The following ATP6V1H variants were observed in gnomAD, a reference collection of about 807,000 sequenced individuals.
ATP6V1H encodes V-type proton ATPase subunit H.
Under a neutral mutation model 71.7 loss-of-function variants are expected in ATP6V1H, and 39 were observed. The ratio of observed to expected loss-of-function variants is 0.54; its 90% CI spans 0.42 to 0.71. The LOEUF is 0.71. ATP6V1H is among the 30% of genes least tolerant of loss of function. The pLI, the probability that ATP6V1H is intolerant of heterozygous loss-of-function variation, is 0.00. For synonymous variants in ATP6V1H, 192 were observed against 199.3 expected, an observed-to-expected ratio of 0.96 and a Z score of 0.31; for missense variants, 509 against 594.9, an observed-to-expected ratio of 0.86 and a Z score of 1.50.
chr8:53,748,772 C>A lies in ATP6V1H; in HGVS notation c.1278-5082G>T, dbSNP rs200439763. Among the ~76,000 whole-genome samples the A allele has an allele frequency of 2.6e-5, 4 of 152,134 alleles. No individual in the cohort carries two copies. In the East Asian group the frequency reaches 7.7e-4, roughly 29 times the overall value. On this transcript the variant is annotated intron_variant, in intron 12 of 13. Transcript: ENST00000359530. Reference sequence around the variant, plus strand: ...AGGGTGTTGCTTTTTCCTCTTTATTCTTTTCTGTATTTTTCAAGTTTTCTA... The same window carrying A: ...AGGGTGTTGCTTTTTCCTCTTTATTATTTTCTGTATTTTTCAAGTTTTCTA...
At position 53,772,365 on chromosome 8, in the gene ATP6V1H, T is replaced by G. The variant is rs112431553; in HGVS notation, c.871-198A>C. On this transcript the variant is annotated intron_variant, in intron 9 of 13. Transcript: ENST00000359530. ...CATATCAGAAGCCTACTTCTGATCA[T>G]TTTTGTATTTCCTGGATTACTAAAC... 2.3e-4 allele frequency among the ~76,000 whole-genome samples: 35 copies of G among 152,304 alleles called. 1 individual carries two copies. The highest frequency in any genetic ancestry group is 8.2e-4 in the African/African-American group (34 of 41,556).
At position 53,769,662 on chromosome 8, in the gene ATP6V1H, T is replaced by C. The variant is rs1369917001; in HGVS notation, c.1131A>G (p.Arg377=). 1.9e-6 allele frequency: 3 copies of C among 1,613,304 alleles called. No individual in the cohort carries two copies. In the Admixed American group the frequency reaches 5.0e-5, roughly 27 times the overall value. ...SPVHKSEKFW[R]ENAVRLNEKN... Reference sequence around the variant, plus strand: ...TCTCATTTAACCTCACAGCATTCTCTCTCCAAAATTTCTCAGATTTGTGCA... The same window carrying C: ...TCTCATTTAACCTCACAGCATTCTCCCTCCAAAATTTCTCAGATTTGTGCA... Residue 377 remains arginine, a synonymous_variant, in exon 11 of 14, where the codon AGA becomes AGG. Coordinates refer to ENST00000359530, the MANE Select transcript of ATP6V1H (RefSeq NM_015941.4).
At chr8:53,814,805 T>C (rs1387430601) in intron 5 of ATP6V1H, 39 bp from the exon 6 acceptor site, 1 of 1,434,540 alleles carries the variant, frequency 7.0e-7, no homozygotes, top group African/African-American at 1.4e-5. Context: ...GCAACATTAA[T>C]TCTAAAAATC....
intron 7 of ATP6V1H, among the ~76,000 whole-genome samples, chr8:53,803,275 T>C (rs1809975065): frequency 6.6e-6 from 1 of 151,908 alleles, no homozygotes; most frequent in Non-Finnish European, 1.5e-5. Context: ...AGGCAGAGGT[T>C]GCAGTGAGCC....
At chr8:53,752,186 A>T (rs1356612047) in intron 12 of ATP6V1H, among the ~76,000 whole-genome samples, 2 of 152,228 alleles carry the variant, frequency 1.3e-5, no homozygotes, top group Admixed American at 1.3e-4. Context: ...TTTATTCATA[A>T]GGAAAAAAAA....
intron 3 of ATP6V1H, chr8:53,832,116 G>A (rs1441384902): frequency 6.6e-6 from 1 of 152,114 alleles, no homozygotes; most frequent in Non-Finnish European, 1.5e-5. Flanking sequence ...TACAGGCATA[G>A]TAGGGAAGGG....
At chr8:53,774,164 C>T (rs141612830) in intron 9 of ATP6V1H, among the ~76,000 whole-genome samples, 474 of 152,314 alleles carry the variant, frequency 3.1e-3, no homozygotes, top group African/African-American at 0.01. Context: ...AATTTTCAGA[C>T]ACAAGATGTC....
chr8:53,742,461 T>C (rs1585735909), intron 13 of ATP6V1H, among the ~76,000 whole-genome samples: 1 of 152,214 alleles, frequency 6.6e-6, no homozygotes, highest in African/African-American at 2.4e-5. Context: ...TGGTTACTTA[T>C]CATTATTGTC....
chr8:53,757,451 G>C (rs1416615329), intron 11 of ATP6V1H, among the ~76,000 whole-genome samples: 1 of 152,204 alleles, frequency 6.6e-6, no homozygotes, highest in South Asian at 2.1e-4. Context: ...ATGTGTGCAA[G>C]CAGAGATCAT....
chr8:53,743,438 TA>T, intron 13 of ATP6V1H, 138 bp downstream of exon 13: 2 of 622,654 alleles, frequency 3.2e-6, no homozygotes. Flanking sequence ...TCTGAATTAC[TA>T]AAATATATTT....
chr8:53,834,664 T>G (rs962482296), intron 2 of ATP6V1H, among the ~76,000 whole-genome samples: 1 of 152,110 alleles, frequency 6.6e-6, no homozygotes, highest in Non-Finnish European at 1.5e-5. Context: ...GATCTCGTGA[T>G]CCACCTGCCT....
intron 11 of ATP6V1H, among the ~76,000 whole-genome samples, chr8:53,763,257 A>G (rs988393462): frequency 2.0e-5 from 3 of 152,242 alleles, no homozygotes; most frequent in Non-Finnish European, 1.5e-5. Context: ...CAAAGGTTTC[A>G]TAAGTTCAAT....
rs73680317 is a variant in ATP6V1H at position 53,817,676 on chromosome 8, G to A, written c.307-146C>T. 3.5e-3 allele frequency: 1,887 copies of A among 544,528 alleles called. 20 individuals are homozygous for A. Among genetic ancestry groups the A allele is most frequent in the African/African-American group, 0.033 (1,687 of 51,394 alleles). 33.7% of individuals were successfully genotyped at this position (544,528 alleles called of 1,614,324 possible). ...GTGATTTGTCTGTCATTATTACTACGGGGCAGGGGGTAGGGATGGTAGTAG... is the reference window on the plus strand; with the variant it reads ...GTGATTTGTCTGTCATTATTACTACAGGGCAGGGGGTAGGGATGGTAGTAG... On this transcript the variant is annotated intron_variant, in intron 4 of 13. Coordinates refer to ENST00000359530, the MANE Select transcript of ATP6V1H (RefSeq NM_015941.4).
chr8:53,772,793 G>A (rs576701312), intron 9 of ATP6V1H, among the ~76,000 whole-genome samples: 1 of 149,498 alleles, frequency 6.7e-6, no homozygotes, highest in South Asian at 2.1e-4. Context: ...ATTAAGCAAT[G>A]TTTCTGAGTA....
At chr8:53,780,147 A>T (rs1427652464) in intron 9 of ATP6V1H, among the ~76,000 whole-genome samples, 1 of 149,392 alleles carries the variant, frequency 6.7e-6, no homozygotes, top group African/African-American at 2.5e-5. Context: ...TGACAGGGTG[A>T]GACTCCATCT....
At chr8:53,754,907 T>A (rs1404883187) in intron 12 of ATP6V1H, among the ~76,000 whole-genome samples, 1 of 152,182 alleles carries the variant, frequency 6.6e-6, no homozygotes, top group Non-Finnish European at 1.5e-5. Flanking sequence ...CCAGAGGACA[T>A]TTGTCCGTAC....
intron 13 of ATP6V1H, among the ~76,000 whole-genome samples, chr8:53,741,361 A>T (rs572289641): frequency 6.6e-6 from 1 of 152,354 alleles, no homozygotes; most frequent in South Asian, 2.1e-4. Context: ...TTTTAAAACA[A>T]GAAAACCACT....
chr8:53,727,771 G>A (rs1030905202), intron 13 of ATP6V1H, among the ~76,000 whole-genome samples: 2 of 152,204 alleles, frequency 1.3e-5, no homozygotes, highest in East Asian at 1.9e-4. Flanking sequence ...TGGCTAGAAC[G>A]CAGAAACATA....
At chr8:53,811,593 C>T (rs548204035) in intron 6 of ATP6V1H, among the ~76,000 whole-genome samples, 2 of 152,218 alleles carry the variant, frequency 1.3e-5, no homozygotes, top group East Asian at 3.9e-4. Context: ...TATTCTGTAG[C>T]AAAGCTTTCA....
Sources: gnomAD v4.1 joint callset for allele counts (sites outside exome capture counted in the v4.1 genomes callset) on GRCh38, gnomAD v4.1.1 for gene constraint, MANE v1.5 for transcripts, NCBI Gene and HGNC (gene_info 2026-07-23, HGNC 2026-07-21) for gene names.